Variants in DPP6 observed in about 807,000 individuals in gnomAD.
DPP6 encodes dipeptidyl peptidase like 6, also known as A-type potassium channel modulatory protein DPP6.
DPP6 carries 69 observed loss-of-function variants against 122.6 expected under a neutral mutation model. The observed-to-expected ratio is 0.56, with a 90% CI of 0.46 to 0.69. The LOEUF (loss-of-function observed/expected upper bound fraction) is 0.69, where lower values mean the gene tolerates loss of function less well. Ranked by LOEUF, DPP6 falls within the 30% of genes least tolerant of loss-of-function variation. DPP6 has a pLI of 0.00. For synonymous variants in DPP6, 418 were observed against 433.1 expected (o/e 0.97, Z 0.43); for missense variants, 928 against 1,116.9 (o/e 0.83, Z 2.41).
chr7:153,835,901 G>A, the DPP6 span, among the ~76,000 whole-genome samples: 3 of 152,174 alleles, frequency 2.0e-5, no homozygotes, highest in South Asian at 2.1e-4. Flanking sequence ...GAATTATTAC[G>A]GCAGCTGCCC....
At chr7:154,788,822 G>A (rs150668012) in intron 10 of DPP6, among the ~76,000 whole-genome samples, 15 of 152,208 alleles carry the variant, frequency 9.9e-5, no homozygotes, top group East Asian at 1.9e-4. Context: ...CTTCCCAGCC[G>A]GTAGGAAGGC....
chr7:154,071,724 C>A (rs186868762), intron 1 of DPP6, among the ~76,000 whole-genome samples: 1 of 152,310 alleles, frequency 6.6e-6, no homozygotes, highest in African/African-American at 2.4e-5. Flanking sequence ...ATGTTGGATC[C>A]TGTTTGTGCC....
chr7:154,530,860 G>A (rs533431781), intron 3 of DPP6, among the ~76,000 whole-genome samples: 5 of 152,154 alleles, frequency 3.3e-5, no homozygotes, highest in Non-Finnish European at 7.4e-5. Flanking sequence ...CATGGATGGA[G>A]CTGAAAGCCA....
rs1281969624 is a variant in DPP6, at chr7:154,200,424, C to T, written c.243+147361C>T. 2.6e-5 allele frequency among the ~76,000 whole-genome samples: 4 copies of T among 152,212 alleles called. 1 individual carries two copies. Among genetic ancestry groups the T allele is most frequent in the South Asian group, 4.2e-4 (2 of 4,810 alleles). On this transcript the variant is annotated intron_variant, in intron 1 of 25. Transcript: ENST00000377770. ...GCAGCCACCCTGCTGATCTATCGAA[C>T]GCTAGTGTGCAGCTGAGGGTGAGAA...
At chr7:154,051,391 G>C (rs537441863), upstream of DPP6, among the ~76,000 whole-genome samples, 1 of 149,800 alleles carries the variant, frequency 6.7e-6, no homozygotes, top group East Asian at 2.0e-4. Flanking sequence ...CGCGTGCCCA[G>C]CAACTCCAGA....
intron 1 of DPP6, among the ~76,000 whole-genome samples, chr7:153,937,410 T>C (rs1052250992): frequency 2.6e-5 from 4 of 151,754 alleles, no homozygotes; most frequent in African/African-American, 7.3e-5. Context: ...TTTGTTCTTT[T>C]GTGTTTTCTT....
intron 3 of DPP6, among the ~76,000 whole-genome samples, chr7:154,512,879 G>T (rs1826198641): frequency 6.6e-6 from 1 of 152,144 alleles, no homozygotes; most frequent in Non-Finnish European, 1.5e-5. Flanking sequence ...GACTCAAGGG[G>T]ACATACTCTA....
intron 3 of DPP6, among the ~76,000 whole-genome samples, chr7:154,513,897 C>T (rs937045703): frequency 1.3e-5 from 2 of 152,146 alleles, no homozygotes; most frequent in African/African-American, 2.4e-5. Context: ...CTTAAATTAG[C>T]CACAACTAAT....
chr7:154,682,549 G>A (rs151192180), intron 7 of DPP6, among the ~76,000 whole-genome samples: 12 of 152,340 alleles, frequency 7.9e-5, no homozygotes, highest in East Asian at 1.9e-4. Flanking sequence ...GTTGTTAAAC[G>A]TGGAGACAGA....
the DPP6 span, among the ~76,000 whole-genome samples, chr7:153,867,559 A>G: frequency 2.0e-5 from 3 of 152,234 alleles, no homozygotes; most frequent in African/African-American, 7.2e-5. Context: ...GGCTGAGACA[A>G]TGGGGTTTTC....
chr7:154,811,297 C>T (rs1478287439), intron 16 of DPP6, among the ~76,000 whole-genome samples: 1 of 152,188 alleles, frequency 6.6e-6, no homozygotes, highest in Non-Finnish European at 1.5e-5. Context: ...AAGCAGTTAC[C>T]AGTGATAACT....
chr7:154,298,250 A>G (rs1198097097), intron 1 of DPP6, among the ~76,000 whole-genome samples: 2 of 138,938 alleles, frequency 1.4e-5, no homozygotes, highest in Non-Finnish European at 3.1e-5. Flanking sequence ...CCATCCTTAA[A>G]AATCTGTCTC....
At chr7:154,404,016 G>C (rs115022) in intron 1 of DPP6, among the ~76,000 whole-genome samples, 106,094 of 152,152 alleles carry the variant, frequency 0.7, 40,813 homozygotes, top group South Asian at 0.86. Context: ...TTGTATGGAT[G>C]TTATTTATTG....
intron 6 of DPP6, among the ~76,000 whole-genome samples, chr7:154,643,691 A>G (rs1836261071): frequency 6.6e-6 from 1 of 152,030 alleles, no homozygotes; most frequent in Non-Finnish European, 1.5e-5. Context: ...GATGGTCTCG[A>G]TCTCCTGACC....
At position 153,944,663 on chromosome 7, in the gene DPP6, G is replaced by GT. The variant is rs769081715; in HGVS notation, c.51+56929_51+56930insT. Among the ~76,000 whole-genome samples, 321 of 103,948 alleles carry GT rather than the reference G, an allele frequency of 3.1e-3. 2 individuals carry two copies. Among genetic ancestry groups the GT allele is most frequent in the African/African-American group, 5.6e-3 (146 of 26,076 alleles). The allele number at this position is 103,948 out of a possible 152,430, so 68.2% of individuals were successfully genotyped here. A position where few individuals can be genotyped will look rare whatever the true frequency, so the allele number is the denominator to read the frequency against. On this transcript the variant is annotated intron_variant, in intron 1 of 25. Transcript: ENST00000404039. The stretch of plus-strand genomic sequence containing the variant: ...ACCATCAGTTTCTTATTTTTGTGTG[G>GT]GTTTTTTTTTTTTTTTTTTTTTTGA...
At chr7:153,974,917 T>C in intron 1 of DPP6, among the ~76,000 whole-genome samples, 1 of 152,230 alleles carries the variant, frequency 6.6e-6, no homozygotes, top group East Asian at 1.9e-4. Flanking sequence ...GGAGTGTTTT[T>C]CTGGCTGGAA....
intron 1 of DPP6, among the ~76,000 whole-genome samples, chr7:154,325,497 T>A (rs1176948612): frequency 1.3e-5 from 2 of 152,224 alleles, no homozygotes; most frequent in African/African-American, 4.8e-5. Flanking sequence ...TCTTCATTAT[T>A]CTTTGTTGCA....
chr7:154,112,046 T>C (rs1345868441), intron 1 of DPP6, among the ~76,000 whole-genome samples: 1 of 152,118 alleles, frequency 6.6e-6, no homozygotes, highest in Admixed American at 6.5e-5. Flanking sequence ...CAGATTCTCC[T>C]TGCATGTTGG....
intron 1 of DPP6, among the ~76,000 whole-genome samples, chr7:153,983,902 C>G (rs2531108): frequency 6.6e-6 from 1 of 151,978 alleles, no homozygotes; most frequent in African/African-American, 2.4e-5. Flanking sequence ...CCCAGTGAGA[C>G]GGACTGTGTA....
Sources: gnomAD v4.1 joint callset for allele counts (sites outside exome capture counted in the v4.1 genomes callset) on GRCh38, gnomAD v4.1.1 for gene constraint, MANE v1.5 for transcripts, NCBI Gene and HGNC (gene_info 2026-07-23, HGNC 2026-07-21) for gene names.